Variants in ZDHHC14 observed in about 807,000 individuals in gnomAD.
ZDHHC14 encodes the protein zDHHC palmitoyltransferase 14.
Under a neutral mutation model 47.7 loss-of-function variants are expected in ZDHHC14, and 16 were observed. That is an observed-to-expected ratio of 0.34 (90% CI 0.23 to 0.51). The LOEUF (loss-of-function observed/expected upper bound fraction) is 0.51. Ranked by LOEUF, ZDHHC14 falls within the 20% of genes least tolerant of loss-of-function variation. The pLI is 0.97. For missense variants in ZDHHC14, 515 were observed against 662.5 expected, an observed-to-expected ratio of 0.78 and a Z score of 2.44; for synonymous variants, 293 against 278.9, an observed-to-expected ratio of 1.05 and a Z score of -0.50.
At chr6:157,581,613 A>G (rs1783523579) in intron 2 of ZDHHC14, among the ~76,000 whole-genome samples, 1 of 152,088 alleles carries the variant, frequency 6.6e-6, no homozygotes, top group Admixed American at 6.6e-5. Context: ...GTGTTAATGC[A>G]TATATATTTA....
At chr6:157,506,264 C>T (rs774183480) in intron 1 of ZDHHC14, among the ~76,000 whole-genome samples, 8 of 152,324 alleles carry the variant, frequency 5.3e-5, no homozygotes, top group Non-Finnish European at 8.8e-5. Context: ...GTCCAGCCAG[C>T]GGTTACTACA....
At chr6:157,648,233 T>C (rs937060071) in intron 7 of ZDHHC14, among the ~76,000 whole-genome samples, 4 of 152,222 alleles carry the variant, frequency 2.6e-5, no homozygotes, top group African/African-American at 9.7e-5. Flanking sequence ...CTACCTGGTC[T>C]CTAGAATGAG....
chr6:157,512,489 G>A (rs972695713), intron 1 of ZDHHC14, among the ~76,000 whole-genome samples: 18 of 152,204 alleles, frequency 1.2e-4, no homozygotes, highest in African/African-American at 4.1e-4. Context: ...CAGTTCATGC[G>A]TGAGCCACAC....
chr6:157,437,042 T>A (rs1217901604), intron 1 of ZDHHC14, among the ~76,000 whole-genome samples: 27 of 152,132 alleles, frequency 1.8e-4, no homozygotes, highest in Non-Finnish European at 2.1e-4. Context: ...GCTGTGACTG[T>A]GCATGTGACA....
At chr6:157,411,311 G>T (rs887836934) in intron 1 of ZDHHC14, among the ~76,000 whole-genome samples, 5 of 152,328 alleles carry the variant, frequency 3.3e-5, no homozygotes, top group Admixed American at 1.3e-4. Flanking sequence ...ACAGACAAAT[G>T]GTTGCCAGGG....
At chr6:157,572,486 C>CT (rs965004501) in intron 2 of ZDHHC14, among the ~76,000 whole-genome samples, 3 of 151,412 alleles carry the variant, frequency 2.0e-5, no homozygotes, top group Admixed American at 6.6e-5. Flanking sequence ...GAGGACTAAC[C>CT]TTTTTTTTTA....
At chr6:157,515,413 C>A (rs1331813802) in intron 1 of ZDHHC14, among the ~76,000 whole-genome samples, 1 of 151,748 alleles carries the variant, frequency 6.6e-6, no homozygotes, top group Non-Finnish European at 1.5e-5. Flanking sequence ...AAATCACACA[C>A]AACGAACTGG....
intron 6 of ZDHHC14, among the ~76,000 whole-genome samples, chr6:157,646,715 C>A (rs1180269801): frequency 1.3e-5 from 2 of 152,034 alleles, no homozygotes; most frequent in African/African-American, 2.4e-5. Context: ...AAGTCTCTAT[C>A]CACACTTGAA....
At chr6:157,447,136 GA>G (rs1583652837) in intron 1 of ZDHHC14, among the ~76,000 whole-genome samples, 1 of 149,694 alleles carries the variant, frequency 6.7e-6, no homozygotes, top group Non-Finnish European at 1.5e-5. Context: ...AAGAAAGAAA[GA>G]AAAAAAGATA....
chr6:157,618,142 GA>G (rs1372899976), intron 3 of ZDHHC14, among the ~76,000 whole-genome samples: 1 of 152,196 alleles, frequency 6.6e-6, no homozygotes, highest in East Asian at 1.9e-4. Context: ...CAAACCCAAA[GA>G]TGGCGTAAGG....
intron 3 of ZDHHC14, among the ~76,000 whole-genome samples, chr6:157,602,489 CAAAAAAAAAAA>C (rs552594669): frequency 1.6e-5 from 1 of 60,616 alleles, no homozygotes; most frequent in Non-Finnish European, 3.2e-5. Context: ...GACTCCGTTT[CAAAAAAAAAAA>C]AAAAAAAACG....
chr6:157,414,531 A>C (rs1294340967), intron 1 of ZDHHC14, among the ~76,000 whole-genome samples: 2 of 152,122 alleles, frequency 1.3e-5, no homozygotes, highest in Admixed American at 6.5e-5. Flanking sequence ...TGTAGTCTGA[A>C]GTTTCCAAGA....
In ZDHHC14 at chr6:157,431,322, C is replaced by A. The variant is rs1778334712; in HGVS notation, c.245+49056C>A. On this transcript the variant is annotated intron_variant, in intron 1 of 8. Transcript: ENST00000359775. ...AAAGTTCTTCCCTGTAGGAACCATA[C>A]AGAGTGGGGAGTTCAGTGCCAGGCT... 2.0e-5 allele frequency among the ~76,000 whole-genome samples: 3 copies of A among 152,332 alleles called. No homozygotes were observed. The South Asian group carries it at 6.2e-4, about 32-fold the overall frequency.
At chr6:157,528,659 G>C (rs1298001153) in intron 1 of ZDHHC14, among the ~76,000 whole-genome samples, 2 of 152,128 alleles carry the variant, frequency 1.3e-5, no homozygotes, top group African/African-American at 2.4e-5. Flanking sequence ...AAAAACCCGG[G>C]AGGCGGAGCT....
Position 157,628,428 on chromosome 6 carries a change from ATC to A in ZDHHC14, c.649_650del (p.Leu217ValfsTer29). On this transcript the variant is annotated frameshift_variant, in exon 4 of 9. Coordinates refer to ENST00000359775, the MANE Select transcript of ZDHHC14 (RefSeq NM_024630.3). LOFTEE classifies it high-confidence loss of function. ...ACAGATTTTTTTATATGTTTATTTT[ATC>A]TCTGTCTTTTCTGACAGTCTTTATA... is the stretch of plus-strand genomic sequence containing the variant. Reference protein sequence around the residue: ...NYRFFYMFILSLSFLTVFIFA... With the variant: ...NYRFFYMFILXLSFLTVFIFA... The A allele has an allele frequency of 6.2e-7, 1 of 1,612,474 alleles. No homozygotes were observed. Among genetic ancestry groups the A allele is most frequent in the Non-Finnish European group, 8.5e-7 (1 of 1,179,706 alleles).
At chr6:157,490,122 C>T (rs909328174) in intron 1 of ZDHHC14, among the ~76,000 whole-genome samples, 5 of 152,078 alleles carry the variant, frequency 3.3e-5, no homozygotes, top group Admixed American at 3.3e-4. Flanking sequence ...GGTGGACGCT[C>T]ATGCCATTTA....
intron 2 of ZDHHC14, among the ~76,000 whole-genome samples, chr6:157,579,322 G>A (rs1354457527): frequency 4.8e-5 from 7 of 146,368 alleles, no homozygotes; most frequent in Non-Finnish European, 8.9e-5. Context: ...CTCAGCCTCC[G>A]AAGCAGCTGG....
intron 1 of ZDHHC14, among the ~76,000 whole-genome samples, chr6:157,501,459 CT>C (rs79526213): frequency 0.074 from 11,289 of 152,206 alleles, 1,075 homozygotes; most frequent in African/African-American, 0.19. Context: ...TTAGCTGTAT[CT>C]TTCTTATTCT....
chr6:157,484,914 A>G (rs1400039739), intron 1 of ZDHHC14, among the ~76,000 whole-genome samples: 2 of 152,128 alleles, frequency 1.3e-5, no homozygotes, highest in Admixed American at 6.5e-5. Context: ...CCTGGCCAAC[A>G]TGGTGAAACC....
Sources: allele counts gnomAD v4.1 joint callset (sites outside exome capture counted in the v4.1 genomes callset), GRCh38; gene constraint gnomAD v4.1.1; transcripts MANE v1.5; gene names NCBI Gene and HGNC (gene_info 2026-07-23, HGNC 2026-07-21).